SGCZ: variants seen among roughly 807,000 people sequenced by gnomAD.
SGCZ encodes sarcoglycan zeta, also known as zeta-sarcoglycan.
In SGCZ, 40 loss-of-function variants were observed where a neutral mutation model predicts 41.3. The ratio of observed to expected loss-of-function variants is 0.97; its 90% confidence interval spans 0.75 to 1.26. The LOEUF is 1.26. Ranked by LOEUF, SGCZ falls within the 50% of genes most tolerant of loss-of-function variation. SGCZ has a pLI of 0.00. For synonymous variants in SGCZ, 206 were observed against 137.5 expected, an observed-to-expected ratio of 1.50 and a Z score of -3.49; for missense variants, 552 against 369.8, an observed-to-expected ratio of 1.49 and a Z score of -4.04.
intron 2 of SGCZ, among the ~76,000 whole-genome samples, chr8:14,529,693 T>C (rs1803066030): frequency 6.6e-6 from 1 of 152,104 alleles, no homozygotes; most frequent in Non-Finnish European, 1.5e-5. Context: ...ATCTGAAGGT[T>C]AAGTATGTCT....
chr8:14,171,210 T>C (rs1804370370), intron 4 of SGCZ, among the ~76,000 whole-genome samples: 1 of 151,590 alleles, frequency 6.6e-6, no homozygotes, highest in African/African-American at 2.4e-5. Context: ...TTATCATCCC[T>C]GGTCTTCGGC....
At chr8:14,507,945 AT>A (rs772356085) in intron 2 of SGCZ, among the ~76,000 whole-genome samples, 34 of 151,598 alleles carry the variant, frequency 2.2e-4, no homozygotes, top group Non-Finnish European at 3.8e-4. Flanking sequence ...CTAATTTTGT[AT>A]TTTTAGTAGA....
chr8:14,475,926 C>G (rs1361030847), intron 2 of SGCZ, among the ~76,000 whole-genome samples: 1 of 151,852 alleles, frequency 6.6e-6, no homozygotes, highest in Non-Finnish European at 1.5e-5. Context: ...ACCTCAAACT[C>G]CTGGACTCAA....
chr8:15,065,413 G>GT lies in SGCZ; in HGVS notation c.39+172171dup, dbSNP rs1406956393. On this transcript the variant is annotated intron_variant, in intron 1 of 7. Coordinates refer to ENST00000382080, the MANE Select transcript of SGCZ (RefSeq NM_139167.4). ...ATGGCATCACTTATCACATGGTATT[G>GT]TAATTATTATTATTATTATTATTAT... 2.6e-3 allele frequency among the ~76,000 whole-genome samples: 323 copies of GT among 125,172 alleles called. 1 individual carries two copies. The highest frequency in any genetic ancestry group is 9.2e-3 in the African/African-American group (307 of 33,472). The allele number at this position is 125,172 out of a possible 152,430, so 82.1% of individuals were successfully genotyped here.
chr8:14,099,246 A>G, intron 7 of SGCZ, among the ~76,000 whole-genome samples: 1 of 152,038 alleles, frequency 6.6e-6, no homozygotes, highest in Admixed American at 6.6e-5. Flanking sequence ...TCACTTTCCG[A>G]CTTCTAAAAT....
chr8:15,004,609 G>A (rs995487270), intron 1 of SGCZ, among the ~76,000 whole-genome samples: 2 of 152,052 alleles, frequency 1.3e-5, no homozygotes, highest in African/African-American at 2.4e-5. Flanking sequence ...AGAGTGTACC[G>A]TTTCTCGCTA....
intron 1 of SGCZ, among the ~76,000 whole-genome samples, chr8:14,783,084 T>C (rs996880700): frequency 6.6e-6 from 1 of 152,198 alleles, no homozygotes; most frequent in African/African-American, 2.4e-5. Flanking sequence ...ATTTGGGGGC[T>C]TCTAATCATA....
At chr8:14,666,323 C>A (rs1217696210) in intron 1 of SGCZ, among the ~76,000 whole-genome samples, 1 of 152,128 alleles carries the variant, frequency 6.6e-6, no homozygotes, top group East Asian at 1.9e-4. Flanking sequence ...TACTCACAAT[C>A]AGAGACTTGC....
chr8:14,528,987 A>T (rs1457303808), intron 2 of SGCZ, among the ~76,000 whole-genome samples: 1 of 152,086 alleles, frequency 6.6e-6, no homozygotes, highest in African/African-American at 2.4e-5. Context: ...AATGACAACC[A>T]ACTAAACCAA....
chr8:14,540,543 A>G (rs994962600), intron 2 of SGCZ, among the ~76,000 whole-genome samples: 5 of 151,572 alleles, frequency 3.3e-5, no homozygotes, highest in African/African-American at 1.2e-4. Context: ...GGTTGTTTCA[A>G]TGGCTTTATT....
chr8:14,733,729 A>C (rs1798941853), intron 1 of SGCZ, among the ~76,000 whole-genome samples: 1 of 152,198 alleles, frequency 6.6e-6, no homozygotes, highest in Admixed American at 6.5e-5. Flanking sequence ...AAGATGGGGA[A>C]TTTAAATAAC....
At chr8:14,297,469 T>C (rs1210248031) in intron 3 of SGCZ, among the ~76,000 whole-genome samples, 3 of 151,726 alleles carry the variant, frequency 2.0e-5, no homozygotes, top group Non-Finnish European at 4.4e-5. Flanking sequence ...CAGAAGTATC[T>C]TATTTGAATT....
chr8:14,139,016 T>A (rs143113130), intron 5 of SGCZ, among the ~76,000 whole-genome samples: 1 of 152,080 alleles, frequency 6.6e-6, no homozygotes. Context: ...GCAATCAAAT[T>A]AGAACTCAGG....
At chr8:14,696,785 G>A (rs780520566) in intron 1 of SGCZ, among the ~76,000 whole-genome samples, 9 of 151,562 alleles carry the variant, frequency 5.9e-5, no homozygotes, top group Non-Finnish European at 1.0e-4. Flanking sequence ...TGCCAAAAGG[G>A]GGATGTATCC....
chr8:14,191,421 G>A (rs1396039121), intron 4 of SGCZ, among the ~76,000 whole-genome samples: 1 of 152,164 alleles, frequency 6.6e-6, no homozygotes, highest in Non-Finnish European at 1.5e-5. Flanking sequence ...TAATGTCAAA[G>A]AGTTTTTCCC....
At chr8:14,353,033 A>G (rs1162587184) in intron 2 of SGCZ, among the ~76,000 whole-genome samples, 1 of 152,062 alleles carries the variant, frequency 6.6e-6, no homozygotes, top group Admixed American at 6.6e-5. Context: ...TCTTACCTCT[A>G]TGGACCAACC....
chr8:14,612,504 T>G (rs769290272), intron 1 of SGCZ, among the ~76,000 whole-genome samples: 4 of 152,176 alleles, frequency 2.6e-5, no homozygotes, highest in Non-Finnish European at 5.9e-5. Context: ...TTTATAGCAC[T>G]GTGAGAATGG....
chr8:14,481,303 A>C (rs1467615276), intron 2 of SGCZ, among the ~76,000 whole-genome samples: 1 of 152,206 alleles, frequency 6.6e-6, no homozygotes, highest in Non-Finnish European at 1.5e-5. Context: ...AAGTGTCAGA[A>C]AAGTTATAGA....
chr8:14,695,037 C>T lies in SGCZ; in HGVS notation c.40-140111G>A, dbSNP rs370589455. On this transcript the variant is annotated intron_variant, in intron 1 of 7. Coordinates refer to ENST00000382080, the MANE Select transcript of SGCZ (RefSeq NM_139167.4). The stretch of plus-strand genomic sequence containing the variant: ...GATAAAAGAGCAGAGACTTGCAATG[C>T]CTTGGAAAACAAACTCCTCCTCTTG... Among the ~76,000 whole-genome samples the T allele has an allele frequency of 9.9e-5, 15 of 152,204 alleles. No individual in the cohort carries two copies. In the East Asian group the frequency reaches 2.9e-3, roughly 29 times the overall value.
Sources: gnomAD v4.1 joint callset for allele counts (sites outside exome capture counted in the v4.1 genomes callset) on GRCh38, gnomAD v4.1.1 for gene constraint, MANE v1.5 for transcripts, NCBI Gene and HGNC (gene_info 2026-07-23, HGNC 2026-07-21) for gene names.